DGLUCY: variants seen among roughly 807,000 people sequenced by gnomAD.
DGLUCY encodes the protein D-glutamate cyclase, mitochondrial.
In DGLUCY, 58 loss-of-function variants were observed where a neutral mutation model predicts 58.5. That is an observed-to-expected ratio of 0.99 (90% CI 0.80 to 1.23). DGLUCY has a LOEUF of 1.23. DGLUCY is among the 50% of genes most tolerant of loss of function. The probability of loss-of-function intolerance (pLI) is 0.00; values close to 1 mark genes in which losing one functional copy is unlikely to be tolerated. For synonymous variants in DGLUCY, 325 were observed against 314.1 expected, an observed-to-expected ratio of 1.03 and a Z score of -0.37; for missense variants, 779 against 784.7, an observed-to-expected ratio of 0.99 and a Z score of 0.09.
In DGLUCY at chr14:91,218,404, A is replaced by AT. The variant is rs35615811; in HGVS notation, c.1716+2862dup. ...CCCTTATAAAGAACATAAAATGGGG[A>AT]TTTTTTTTTTTTTTCTTGAGATGGA... On this transcript the variant is annotated intron_variant, in intron 13 of 13. Coordinates refer to ENST00000256324, the MANE Select transcript of DGLUCY (RefSeq NM_001102368.3). 3.8e-3 allele frequency among the ~76,000 whole-genome samples: 551 copies of AT among 146,028 alleles called. 9 individuals carry two copies. Among genetic ancestry groups the AT allele is most frequent in the African/African-American group, 0.012 (479 of 39,650 alleles).
At position 91,181,300 on chromosome 14, in the gene DGLUCY, T is replaced by C; in HGVS notation, c.845T>C (p.Ile282Thr). ...TPERIPEVHH[I>T]SQDPLHYSIA... ...GAGAGAATTCCAGAGGTCCATCACATTTCCCAAGATCCTCTGCACTACAGC... is the reference window on the plus strand; with the variant it reads ...GAGAGAATTCCAGAGGTCCATCACACTTCCCAAGATCCTCTGCACTACAGC... Residue 282 changes from isoleucine (I) to threonine (T), a missense_variant, in exon 8 of 14, where the codon ATT (isoleucine) becomes ACT (threonine). Coordinates refer to ENST00000256324, the MANE Select transcript of DGLUCY (RefSeq NM_001102368.3). The C allele has an allele frequency of 6.2e-7, 1 of 1,614,160 alleles. No individual in the cohort carries two copies. The highest frequency in any genetic ancestry group is 8.5e-7 in the Non-Finnish European group (1 of 1,180,030).
At chr14:91,174,952 G>A (rs760657176) in intron 6 of DGLUCY, among the ~76,000 whole-genome samples, 2 of 152,026 alleles carry the variant, frequency 1.3e-5, no homozygotes, top group Admixed American at 6.6e-5. Context: ...CTGTTACTGC[G>A]GTGTGAGAGC....
At chr14:91,220,272 G>GT (rs1402398790) in intron 13 of DGLUCY, among the ~76,000 whole-genome samples, 11 of 152,232 alleles carry the variant, frequency 7.2e-5, no homozygotes, top group Admixed American at 5.9e-4. Flanking sequence ...GAGTGGGGCC[G>GT]TAACAGATCT....
At chr14:91,202,762 G>A (rs1006857793) in intron 11 of DGLUCY, among the ~76,000 whole-genome samples, 5 of 152,196 alleles carry the variant, frequency 3.3e-5, no homozygotes, top group Admixed American at 6.5e-5. Flanking sequence ...CATCTGTGCT[G>A]TGACGACCCT....
At chr14:91,076,695 G>T (rs1050914149) in intron 1 of DGLUCY, among the ~76,000 whole-genome samples, 2 of 152,162 alleles carry the variant, frequency 1.3e-5, no homozygotes, top group Non-Finnish European at 2.9e-5. Context: ...GCATGGGTGA[G>T]GGATGGAGTA....
chr14:91,061,586 A>G (rs545010132), intron 1 of DGLUCY, among the ~76,000 whole-genome samples: 4 of 152,378 alleles, frequency 2.6e-5, no homozygotes, highest in Non-Finnish European at 4.4e-5. Flanking sequence ...TTTTAGGGCA[A>G]GGAGGCATTT....
At chr14:91,134,319 G>A (rs2046201963) in intron 1 of DGLUCY, among the ~76,000 whole-genome samples, 1 of 151,956 alleles carries the variant, frequency 6.6e-6, no homozygotes, top group Admixed American at 6.6e-5. Context: ...CTTCTTTAAT[G>A]TCTTTAAGTA....
chr14:91,076,545 A>G (rs1318952966), intron 1 of DGLUCY, among the ~76,000 whole-genome samples: 2 of 152,110 alleles, frequency 1.3e-5, no homozygotes, highest in African/African-American at 4.8e-5. Context: ...TGTGTGTGCA[A>G]TAGTGTCTTG....
intron 8 of DGLUCY, among the ~76,000 whole-genome samples, chr14:91,184,772 A>G (rs1052024464): frequency 6.6e-6 from 1 of 152,008 alleles, no homozygotes; most frequent in Non-Finnish European, 1.5e-5. Context: ...TTCTTGCTGA[A>G]CCACTGGACA....
intron 1 of DGLUCY, among the ~76,000 whole-genome samples, chr14:91,092,507 A>G (rs774458195): frequency 7.2e-5 from 11 of 152,224 alleles, no homozygotes; most frequent in Non-Finnish European, 1.2e-4. Flanking sequence ...CTTGATGATA[A>G]AAGGATTTTA....
chr14:91,170,400 G>C (rs550531032), intron 5 of DGLUCY, among the ~76,000 whole-genome samples, 199 bp downstream of exon 5: 2 of 152,306 alleles, frequency 1.3e-5, no homozygotes, highest in Non-Finnish European at 1.5e-5. Flanking sequence ...TCACCTCTGG[G>C]ACCACTGTGA....
intron 1 of DGLUCY, among the ~76,000 whole-genome samples, chr14:91,088,123 G>A (rs1223563137): frequency 6.6e-6 from 1 of 152,060 alleles, no homozygotes; most frequent in East Asian, 1.9e-4. Flanking sequence ...GGGAGAAGAG[G>A]ACCCCATTGG....
At chr14:91,125,005 C>G (rs2045588930) in intron 1 of DGLUCY, among the ~76,000 whole-genome samples, 1 of 152,210 alleles carries the variant, frequency 6.6e-6, no homozygotes, top group African/African-American at 2.4e-5. Flanking sequence ...CAAGTTACTT[C>G]CTCCTTCCTT....
intron 4 of DGLUCY, among the ~76,000 whole-genome samples, chr14:91,168,814 C>T (rs1050002367): frequency 1.3e-5 from 2 of 152,176 alleles, no homozygotes; most frequent in Non-Finnish European, 2.9e-5. Flanking sequence ...GGGATGGGCG[C>T]GGTGGCTCAC....
In DGLUCY at chr14:91,199,822, G is replaced by T; in HGVS notation, c.1361G>T (p.Arg454Met). ...RAADGNYYNA[R>M]KMNIKHLVDP... Reference sequence around the variant, plus strand: ...GCTGATGGCAATTACTACAATGCAAGGAAGATGAACATCAAGCACTTGGTT... The same window carrying T: ...GCTGATGGCAATTACTACAATGCAATGAAGATGAACATCAAGCACTTGGTT... Residue 454 changes from arginine (R) to methionine (M), a missense_variant, in exon 11 of 14, where the codon AGG becomes ATG. Transcript: ENST00000256324. 1 of 1,614,120 alleles carries T rather than the reference G, an allele frequency of 6.2e-7. No homozygotes were observed. The highest frequency in any genetic ancestry group is 1.1e-5 in the South Asian group (1 of 91,074).
At chr14:91,165,710 T>G (rs1239615952) in intron 3 of DGLUCY, among the ~76,000 whole-genome samples, 1 of 152,086 alleles carries the variant, frequency 6.6e-6, no homozygotes, top group Non-Finnish European at 1.5e-5. Context: ...CAAGAATGGC[T>G]AAAAGGAAAA....
chr14:91,187,847 C>T (rs2049616821), intron 8 of DGLUCY, among the ~76,000 whole-genome samples: 1 of 152,144 alleles, frequency 6.6e-6, no homozygotes, highest in Non-Finnish European at 1.5e-5. Context: ...CAATCCTTTA[C>T]TGTTTTTTTT....
intron 1 of DGLUCY, among the ~76,000 whole-genome samples, chr14:91,157,251 A>ATGAATGAATGGG (rs2047707536): frequency 9.1e-6 from 1 of 109,620 alleles, no homozygotes; most frequent in Admixed American, 1.0e-4. Context: ...GGATGGATGG[A>ATGAATGAATGGG]TGGATGAATG....
intron 8 of DGLUCY, among the ~76,000 whole-genome samples, chr14:91,188,072 G>A (rs946138768): frequency 2.0e-5 from 3 of 152,154 alleles, no homozygotes; most frequent in Non-Finnish European, 4.4e-5. Flanking sequence ...CTCAAATACA[G>A]CAGAAGTGTG....
Sources: gnomAD v4.1 joint callset for allele counts (sites outside exome capture counted in the v4.1 genomes callset) on GRCh38, gnomAD v4.1.1 for gene constraint, MANE v1.5 for transcripts, NCBI Gene and HGNC (gene_info 2026-07-23, HGNC 2026-07-21) for gene names.